GTF2A1: variants seen among roughly 807,000 people sequenced by gnomAD.
The protein encoded by GTF2A1 is general transcription factor IIA subunit 1.
Under a neutral mutation model 54.1 loss-of-function variants are expected in GTF2A1, and 12 were observed. The ratio of observed to expected loss-of-function variants is 0.22; its 90% CI spans 0.14 to 0.36. The LOEUF (loss-of-function observed/expected upper bound fraction) is 0.36, where lower values mean the gene tolerates loss of function less well. GTF2A1 is among the 10% of genes least tolerant of loss of function. GTF2A1 has a pLI of 1.00. For synonymous variants in GTF2A1, 145 were observed against 152.0 expected, an observed-to-expected ratio of 0.95 and a Z score of 0.34; for missense variants, 335 against 442.2, an observed-to-expected ratio of 0.76 and a Z score of 2.17.
rs547768280 is a variant in GTF2A1, at chr14:81,200,759, G to A, written c.402+835C>T. Among the ~76,000 whole-genome samples the A allele has an allele frequency of 4.2e-4, 63 of 151,594 alleles. 1 individual carries two copies. The Middle Eastern group carries it at 0.01, about 25-fold the overall frequency. Reference sequence around the variant, plus strand: ...TAAATAAAAGTTTTGGCTGAAGAATGAAATGTAAGAGCTGAGTCACCACTC... The same window carrying A: ...TAAATAAAAGTTTTGGCTGAAGAATAAAATGTAAGAGCTGAGTCACCACTC... On this transcript the variant is annotated intron_variant, in intron 4 of 8. Coordinates refer to ENST00000553612, the MANE Select transcript of GTF2A1 (RefSeq NM_015859.4).
chr14:81,200,843 GT>G (rs1893089965), intron 4 of GTF2A1, among the ~76,000 whole-genome samples: 2 of 142,454 alleles, frequency 1.4e-5, no homozygotes, highest in Admixed American at 7.2e-5. Flanking sequence ...TTATAAGGAA[GT>G]ATTGAACTAC....
upstream of GTF2A1, chr14:81,221,194 G>A (rs1704406410): frequency 6.6e-6 from 1 of 152,384 alleles, no homozygotes. Flanking sequence ...CCAGGCGGAA[G>A]TCTGCGGCAG....
intron 2 of GTF2A1, among the ~76,000 whole-genome samples, chr14:81,213,936 G>A (rs1049158005): frequency 5.3e-5 from 8 of 150,980 alleles, no homozygotes; most frequent in African/African-American, 2.0e-4. Context: ...CCCGCCTCCT[G>A]GGTTCAAGCC....
At chr14:81,211,471 C>T (rs77917919) in intron 2 of GTF2A1, among the ~76,000 whole-genome samples, 6 of 152,262 alleles carry the variant, frequency 3.9e-5, no homozygotes, top group African/African-American at 7.2e-5. Flanking sequence ...ATTAGCTAAA[C>T]GACCTTGTCA....
rs1368569148 is a variant in GTF2A1 at position 81,178,448 on chromosome 14, A to G, written c.*1775T>C. ...TAAACAAACTTCCCCTCAAAAAACT[A>G]AATTAATATAGTCAAAATAAAAGCT... On this transcript the variant is annotated 3_prime_UTR_variant, in exon 9 of 9. Transcript: ENST00000553612. 1 of 152,170 alleles carries G rather than the reference A, an allele frequency of 6.6e-6. No individual in the cohort carries two copies. Among genetic ancestry groups the G allele is most frequent in the Non-Finnish European group, 1.5e-5 (1 of 68,002 alleles). 9.4% of individuals were successfully genotyped at this position (152,170 alleles called of 1,614,324 possible). A position where few individuals can be genotyped will look rare whatever the true frequency, so the allele number is the denominator to read the frequency against.
At chr14:81,195,890 G>A (rs1276125338) in intron 6 of GTF2A1, among the ~76,000 whole-genome samples, 1 of 152,054 alleles carries the variant, frequency 6.6e-6, no homozygotes, top group Non-Finnish European at 1.5e-5. Context: ...CACCTTCGAG[G>A]GGATGATGAA....
intron 1 of GTF2A1, among the ~76,000 whole-genome samples, chr14:81,219,458 G>A (rs1262864211): frequency 3.3e-5 from 5 of 152,168 alleles, no homozygotes; most frequent in Non-Finnish European, 5.9e-5. Context: ...ATTAGAGAGC[G>A]GCAATGGCTC....
intron 7 of GTF2A1, among the ~76,000 whole-genome samples, chr14:81,187,272 G>A (rs556197505): frequency 2.0e-4 from 30 of 151,614 alleles, no homozygotes; most frequent in African/African-American, 6.5e-4. Context: ...GGAGAATGGC[G>A]GGAACCCAGA....
At chr14:81,197,111 A>G (rs558529422) in intron 5 of GTF2A1, 16 of 209,030 alleles carry the variant, frequency 7.7e-5, no homozygotes, top group Admixed American at 1.1e-4. Context: ...CTCACTTGGC[A>G]TGTTAAATGT....
intron 6 of GTF2A1, among the ~76,000 whole-genome samples, chr14:81,194,520 T>C (rs1193943015): frequency 1.3e-5 from 2 of 152,228 alleles, no homozygotes; most frequent in Non-Finnish European, 2.9e-5. Context: ...ACTGGATTAA[T>C]AGTACTGCTC....
chr14:81,195,632 G>GGA (rs1555389593), intron 6 of GTF2A1, among the ~76,000 whole-genome samples: 2 of 118,558 alleles, frequency 1.7e-5, no homozygotes, highest in Non-Finnish European at 3.3e-5. Flanking sequence ...ACTCTGTCTC[G>GGA]AAAAAAAAAA....
intron 4 of GTF2A1, among the ~76,000 whole-genome samples, chr14:81,200,656 A>G (rs966663365): frequency 2.7e-5 from 4 of 150,920 alleles, no homozygotes; most frequent in Non-Finnish European, 4.4e-5. Context: ...GAACGGAGGG[A>G]AAAAAAAATC....
In GTF2A1 at chr14:81,196,220, C is replaced by A; in HGVS notation, c.500G>T (p.Arg167Ile). Residue 167 changes from arginine to isoleucine, a missense_variant, in exon 6 of 9, where the codon AGA (arginine) becomes ATA (isoleucine). Arg to Ile is a moderately conservative substitution (Grantham distance 97). Around this residue, in one of 2 missense-constraint regions of GTF2A1, gnomAD observed 306 missense variants for 360.4 expected, o/e 0.85. Transcript: ENST00000553612. ...GATATATTGGGCACCATTGGCTGCT[C>A]TGACCACCTGAAGAAGCTGGCCTAA... ...TNSGQLLQVV[R>I]AANGAQYIFQ... 1 of 1,614,146 alleles carries A rather than the reference C, an allele frequency of 6.2e-7. No homozygotes were observed. The highest frequency in any genetic ancestry group is 8.5e-7 in the Non-Finnish European group (1 of 1,179,992).
intron 6 of GTF2A1, among the ~76,000 whole-genome samples, chr14:81,195,121 C>T (rs1167836945): frequency 7.9e-6 from 1 of 125,930 alleles, no homozygotes; most frequent in African/African-American, 3.2e-5. Context: ...CCCTAGGTGA[C>T]AGAGACTCTG....
intron 2 of GTF2A1, among the ~76,000 whole-genome samples, chr14:81,212,808 C>A (rs1479319059): frequency 2.0e-5 from 3 of 152,214 alleles, no homozygotes; most frequent in African/African-American, 4.8e-5. Context: ...TCAGTTCCAC[C>A]AACCACATTT....
At chr14:81,197,549 A>G (rs1893017757) in intron 4 of GTF2A1, 65 bp from the exon 5 acceptor site, 3 of 852,228 alleles carry the variant, frequency 3.5e-6, no homozygotes, top group Non-Finnish European at 5.6e-6. Context: ...TCTCTAGCAT[A>G]TTTTAATAGT....
At chr14:81,214,778 TTA>T (rs558805496) in intron 2 of GTF2A1, among the ~76,000 whole-genome samples, 258 of 20,286 alleles carry the variant, frequency 0.013, 6 homozygotes, top group East Asian at 0.12. Context: ...AATGGATCCA[TTA>T]TATGTTAACA....
chr14:81,208,056 T>C (rs969374085), intron 2 of GTF2A1, among the ~76,000 whole-genome samples: 3 of 152,166 alleles, frequency 2.0e-5, no homozygotes, highest in Non-Finnish European at 4.4e-5. Flanking sequence ...GAAATTTGCA[T>C]AAGTAGCAAG....
In GTF2A1 at chr14:81,178,959, ATACAT is replaced by A. The variant is rs998452010; in HGVS notation, c.*1259_*1263del. The A allele has an allele frequency of 2.6e-5, 4 of 152,196 alleles. No homozygotes were observed. Among genetic ancestry groups the A allele is most frequent in the Admixed American group, 2.0e-4 (3 of 15,286 alleles). The allele number at this position is 152,196 out of a possible 1,614,324, so 9.4% of individuals were successfully genotyped here. A position where few individuals can be genotyped will look rare whatever the true frequency, so the allele number is the denominator to read the frequency against. On this transcript the variant is annotated 3_prime_UTR_variant, in exon 9 of 9. Coordinates refer to ENST00000553612, the MANE Select transcript of GTF2A1 (RefSeq NM_015859.4). ...GAATACAGACCTATGCATTCTTAAT[ATACAT>A]ATTACATTTCTATTATTTTTAATAT...
Sources: allele counts gnomAD v4.1 joint callset (sites outside exome capture counted in the v4.1 genomes callset), GRCh38; gene constraint gnomAD v4.1.1; regional missense constraint gnomAD v4.1.1; transcripts MANE v1.5; gene names NCBI Gene and HGNC (gene_info 2026-07-23, HGNC 2026-07-21).